The following FEZ2 variants were observed in gnomAD, a reference collection of about 807,000 sequenced individuals.
FEZ2 encodes fasciculation and elongation protein zeta-2.
A neutral mutation model predicts 40.4 loss-of-function variants in FEZ2; 51 were observed. That is an observed-to-expected ratio of 1.26 (90% CI 1.01 to 1.59). The LOEUF is 1.59. Among genes scored for constraint, FEZ2 ranks in the 40% most tolerant of loss-of-function variants. The pLI is 0.00. For synonymous variants in FEZ2, 242 were observed against 172.0 expected (o/e 1.41, Z -3.18); for missense variants, 640 against 438.3 (o/e 1.46, Z -4.11).
intron 3 of FEZ2, 168 bp from the exon 4 acceptor site, chr2:36,581,599 G>A: frequency 1.7e-6 from 1 of 591,918 alleles, no homozygotes; most frequent in Non-Finnish European, 3.1e-6. Context: ...TACTGTAGGA[G>A]TGAACATGGT....
At chr2:36,578,418 G>A (rs1471452013) in intron 5 of FEZ2, among the ~76,000 whole-genome samples, 179 bp downstream of exon 5, 6 of 152,250 alleles carry the variant, frequency 3.9e-5, no homozygotes, top group Middle Eastern at 6.8e-3. Flanking sequence ...TCAAGAAAAC[G>A]ACTTTCTGAA....
chr2:36,587,054 A>T (rs1337094432), intron 2 of FEZ2, among the ~76,000 whole-genome samples: 1 of 152,250 alleles, frequency 6.6e-6, no homozygotes, highest in Non-Finnish European at 1.5e-5. Flanking sequence ...AAAGAAATGC[A>T]CATGGAAGGA....
At chr2:36,560,980 G>A in intron 5 of FEZ2, 1 of 549,822 alleles carries the variant, frequency 1.8e-6, no homozygotes, top group Non-Finnish European at 3.2e-6. Context: ...GTTAGAAAAT[G>A]CCACTACTCA....
intron 1 of FEZ2, among the ~76,000 whole-genome samples, chr2:36,593,426 G>A (rs1047491312): frequency 2.0e-5 from 3 of 152,060 alleles, no homozygotes; most frequent in Non-Finnish European, 2.9e-5. Context: ...ACAAACTTTT[G>A]CCTGGGCATC....
chr2:36,581,999 C>T (rs1265165662), intron 3 of FEZ2, among the ~76,000 whole-genome samples: 3 of 151,850 alleles, frequency 2.0e-5, no homozygotes, highest in Admixed American at 6.6e-5. Flanking sequence ...TTTTAAATTA[C>T]TCAAAAAGTA....
intron 3 of FEZ2, 43 bp from the exon 4 acceptor site, chr2:36,581,474 G>A: frequency 6.3e-7 from 1 of 1,584,168 alleles, no homozygotes; most frequent in Non-Finnish European, 8.7e-7. Flanking sequence ...TATACAAAAG[G>A]AAAATGATCT....
chr2:36,582,764 G>T (rs1436519809), intron 3 of FEZ2, among the ~76,000 whole-genome samples: 8 of 152,128 alleles, frequency 5.3e-5, no homozygotes, highest in Admixed American at 3.9e-4. Context: ...CTCACAGTCC[G>T]AGTAGCCATG....
rs577417969 is a variant in FEZ2, at chr2:36,593,241, A to G, written c.267-2230T>C. Among the ~76,000 whole-genome samples, 146 of 151,722 alleles carry G rather than the reference A, an allele frequency of 9.6e-4. 2 individuals carry two copies. The East Asian group carries it at 0.023, about 24-fold the overall frequency. On this transcript the variant is annotated intron_variant, in intron 1 of 7. Transcript: ENST00000405912. ...GCACTTCTTACATGGTGGCAGCAAG[A>G]GAAAAGGAGGAAGATGCAAAAGCAG...
chr2:36,595,351 G>A (rs1369064605), intron 1 of FEZ2, among the ~76,000 whole-genome samples: 1 of 151,900 alleles, frequency 6.6e-6, no homozygotes, highest in African/African-American at 2.4e-5. Flanking sequence ...CCTATCTGGG[G>A]GAGAGGGGAA....
intron 5 of FEZ2, among the ~76,000 whole-genome samples, chr2:36,564,519 C>T (rs1433787230): frequency 6.6e-6 from 1 of 152,098 alleles, no homozygotes; most frequent in Admixed American, 6.5e-5. Context: ...CATAAGGGGG[C>T]ACAAAAAGCA....
intron 5 of FEZ2, among the ~76,000 whole-genome samples, chr2:36,562,907 T>C (rs1397721463): frequency 6.6e-6 from 1 of 152,228 alleles, no homozygotes; most frequent in Non-Finnish European, 1.5e-5. Flanking sequence ...GGCTCCATTA[T>C]CTATGAGCAT....
chr2:36,591,623 C>A (rs1669074377), intron 1 of FEZ2: 1 of 152,480 alleles, frequency 6.6e-6, no homozygotes, highest in African/African-American at 2.4e-5. Context: ...AAGGCAGATA[C>A]AACAAAAAGG....
chr2:36,592,969 G>C (rs150798139), intron 1 of FEZ2, among the ~76,000 whole-genome samples: 1 of 152,328 alleles, frequency 6.6e-6, no homozygotes, highest in South Asian at 2.1e-4. Context: ...TCTAATGCCA[G>C]TGAAGTAGAA....
chr2:36,554,456 C>G (rs963312943), intron 7 of FEZ2, among the ~76,000 whole-genome samples: 1 of 152,094 alleles, frequency 6.6e-6, no homozygotes, highest in African/African-American at 2.4e-5. Flanking sequence ...TTATGTTCGT[C>G]TCATTCCTGT....
At chr2:36,575,169 C>T (rs1235842088) in intron 5 of FEZ2, among the ~76,000 whole-genome samples, 2 of 152,140 alleles carry the variant, frequency 1.3e-5, no homozygotes, top group Non-Finnish European at 2.9e-5. Context: ...GGATGGGCCT[C>T]ATCTATTCTA....
chr2:36,581,543 TAACC>T, intron 3 of FEZ2, 112 bp from the exon 4 acceptor site: 2 of 876,516 alleles, frequency 2.3e-6, no homozygotes, highest in Non-Finnish European at 1.8e-6. Flanking sequence ...AATTCTCCAT[TAACC>T]AATGGTGTTC....
chr2:36,592,662 A>C (rs1262617892), intron 1 of FEZ2, among the ~76,000 whole-genome samples: 1 of 151,240 alleles, frequency 6.6e-6, no homozygotes, highest in Non-Finnish European at 1.5e-5. Flanking sequence ...AAAAAAAAAA[A>C]AAAATTGGCC....
chr2:36,585,603 A>G (rs1304113121), intron 2 of FEZ2, among the ~76,000 whole-genome samples: 3 of 152,240 alleles, frequency 2.0e-5, no homozygotes, highest in Admixed American at 6.5e-5. Flanking sequence ...CTGGTCAGCT[A>G]ATTATAAACT....
chr2:36,573,512 A>G (rs748921766), intron 5 of FEZ2, among the ~76,000 whole-genome samples: 8 of 152,236 alleles, frequency 5.3e-5, no homozygotes, highest in Middle Eastern at 3.2e-3. Flanking sequence ...TACAAATCTA[A>G]ATCCTCCGGG....
Sources: allele counts gnomAD v4.1 joint callset (sites outside exome capture counted in the v4.1 genomes callset), GRCh38; gene constraint gnomAD v4.1.1; transcripts MANE v1.5; gene names NCBI Gene and HGNC (gene_info 2026-07-23, HGNC 2026-07-21).